Variants in QTMAN observed in about 807,000 individuals in gnomAD.
QTMAN encodes tRNA-queuosine alpha-mannosyltransferase.
At chr2:144,277,124 G>A in the QTMAN span, among the ~76,000 whole-genome samples, 8 of 151,870 alleles carry the variant, frequency 5.3e-5, no homozygotes, top group African/African-American at 1.9e-4. Flanking sequence ...TATGAAATGT[G>A]GCTAGTACCA....
chr2:144,242,565 T>C, the QTMAN span, among the ~76,000 whole-genome samples: 1 of 152,220 alleles, frequency 6.6e-6, no homozygotes, highest in Admixed American at 6.5e-5. Flanking sequence ...ATAAAGTTAT[T>C]AGGAATTCCA....
chr2:144,012,446 C>T, the QTMAN span, among the ~76,000 whole-genome samples: 3 of 152,124 alleles, frequency 2.0e-5, no homozygotes, highest in African/African-American at 4.8e-5. Context: ...GGCACCTTAG[C>T]TTATTTCTGC....
the QTMAN span, among the ~76,000 whole-genome samples, chr2:144,133,539 G>T: frequency 0.59 from 56,877 of 96,664 alleles, 17,160 homozygotes; most frequent in East Asian, 0.83. Flanking sequence ...TATATATAAA[G>T]ATATAAAGAT....
chr2:144,119,165 C>T, the QTMAN span, among the ~76,000 whole-genome samples: 1 of 152,046 alleles, frequency 6.6e-6, no homozygotes, highest in Non-Finnish European at 1.5e-5. Flanking sequence ...CTAATTAATG[C>T]AGGATTAATT....
chr2:144,332,319 C>G, the QTMAN span: 1 of 149,950 alleles, frequency 6.7e-6, no homozygotes, highest in Non-Finnish European at 1.5e-5. Flanking sequence ...CCGCTGCTGC[C>G]CCTCTGGGAT....
the QTMAN span, among the ~76,000 whole-genome samples, chr2:144,046,914 C>G: frequency 6.6e-6 from 1 of 152,174 alleles, no homozygotes; most frequent in Non-Finnish European, 1.5e-5. Context: ...CTGGACTCAT[C>G]TTGCTTATGC....
At chr2:144,254,130 T>A in the QTMAN span, among the ~76,000 whole-genome samples, 1 of 152,124 alleles carries the variant, frequency 6.6e-6, no homozygotes, top group African/African-American at 2.4e-5. Flanking sequence ...AGTCAAGAAT[T>A]AACGTTTGAG....
chr2:144,163,051 T>C, the QTMAN span, among the ~76,000 whole-genome samples: 1 of 152,138 alleles, frequency 6.6e-6, no homozygotes, highest in Non-Finnish European at 1.5e-5. Context: ...TGTGGATTTA[T>C]CCAAAAGACA....
the QTMAN span, among the ~76,000 whole-genome samples, chr2:144,186,342 A>G: frequency 6.6e-6 from 1 of 152,230 alleles, no homozygotes; most frequent in Non-Finnish European, 1.5e-5. Flanking sequence ...AAGAGCCACA[A>G]GTTCAAAGAT....
At chr2:144,275,075 T>C in the QTMAN span, among the ~76,000 whole-genome samples, 1 of 152,102 alleles carries the variant, frequency 6.6e-6, no homozygotes, top group Non-Finnish European at 1.5e-5. Context: ...GTTTTTTCCT[T>C]TACACTCAGA....
the QTMAN span, among the ~76,000 whole-genome samples, chr2:144,033,740 T>C: frequency 6.6e-6 from 1 of 152,158 alleles, no homozygotes; most frequent in East Asian, 1.9e-4. Flanking sequence ...CCTTAGGGGC[T>C]TTCCAAAAGT....
At chr2:144,323,491 G>A in the QTMAN span, among the ~76,000 whole-genome samples, 10 of 152,066 alleles carry the variant, frequency 6.6e-5, no homozygotes, top group Non-Finnish European at 1.0e-4. Context: ...TAGTTTCATC[G>A]ATCATTGCTT....
At chr2:144,102,068 T>A in the QTMAN span, among the ~76,000 whole-genome samples, 1 of 152,214 alleles carries the variant, frequency 6.6e-6, no homozygotes, top group African/African-American at 2.4e-5. Flanking sequence ...AAATAAACAA[T>A]ACTAAGTGAG....
At chr2:144,219,989 T>C in the QTMAN span, among the ~76,000 whole-genome samples, 3 of 152,344 alleles carry the variant, frequency 2.0e-5, no homozygotes, top group East Asian at 3.9e-4. Flanking sequence ...CTAGTCACTA[T>C]ATATATTTTT....
At chr2:144,095,360 G>A in the QTMAN span, among the ~76,000 whole-genome samples, 24 of 152,098 alleles carry the variant, frequency 1.6e-4, no homozygotes, top group Non-Finnish European at 2.9e-4. Context: ...TTGTCTAACT[G>A]AATTCAACAC....
chr2:144,115,232 AAACAACAACAACAAC>A, the QTMAN span, among the ~76,000 whole-genome samples: 3 of 151,008 alleles, frequency 2.0e-5, no homozygotes, highest in South Asian at 2.1e-4. Context: ...CCCTGTCTAA[AAACAACAACAACAAC>A]AACAACAACA....
the QTMAN span, among the ~76,000 whole-genome samples, chr2:144,125,220 G>T: frequency 2.6e-5 from 4 of 151,840 alleles, no homozygotes; most frequent in African/African-American, 9.7e-5. Flanking sequence ...GAACATGTGA[G>T]TTTTTTTAAA....
chr2:144,329,002 T>C, the QTMAN span, among the ~76,000 whole-genome samples: 1 of 152,114 alleles, frequency 6.6e-6, no homozygotes, highest in African/African-American at 2.4e-5. Flanking sequence ...CTCACGTTTA[T>C]AATCCCAACA....
chr2:144,277,224 C>T, the QTMAN span, among the ~76,000 whole-genome samples: 116 of 151,744 alleles, frequency 7.6e-4, no homozygotes, highest in African/African-American at 2.8e-3. Context: ...TTTAATGTGG[C>T]TACTAGAAAA....
Sources: gnomAD v4.1 joint callset for allele counts (sites outside exome capture counted in the v4.1 genomes callset) on GRCh38, gnomAD v4.1.1 for gene constraint, MANE v1.5 for transcripts, NCBI Gene and HGNC (gene_info 2026-07-23, HGNC 2026-07-21) for gene names.